SLC25A48: variants seen among roughly 807,000 people sequenced by gnomAD.
The protein encoded by SLC25A48 is solute carrier family 25 member 48, also known as CTC-321K16.1.
Under a neutral mutation model 32.2 loss-of-function variants are expected in SLC25A48, and 29 were observed. The observed-to-expected ratio is 0.90, with a 90% confidence interval of 0.67 to 1.23. SLC25A48 has a LOEUF of 1.23. SLC25A48 is among the 50% of genes most tolerant of loss of function. The probability of loss-of-function intolerance (pLI) is 0.00; values close to 1 mark genes in which losing one functional copy is unlikely to be tolerated. For missense variants in SLC25A48, 399 were observed against 422.7 expected (o/e 0.94, Z 0.49); for synonymous variants, 164 against 172.3 (o/e 0.95, Z 0.38).
At chr5:135,733,707 C>T (rs911128989) in intron 3 of SLC25A48, among the ~76,000 whole-genome samples, 2 of 152,120 alleles carry the variant, frequency 1.3e-5, no homozygotes, top group African/African-American at 2.4e-5. Flanking sequence ...AGAACTCTGA[C>T]CACACAGCCC....
At chr5:135,758,017 G>A (rs191828793) in intron 3 of SLC25A48, among the ~76,000 whole-genome samples, 11 of 149,264 alleles carry the variant, frequency 7.4e-5, no homozygotes, top group Admixed American at 1.3e-4. Flanking sequence ...ATACTGTCTA[G>A]TGTAACACAA....
chr5:135,628,799 C>T (rs1752496480), intron 1 of SLC25A48, among the ~76,000 whole-genome samples: 1 of 152,168 alleles, frequency 6.6e-6, no homozygotes, highest in African/African-American at 2.4e-5. Flanking sequence ...TCCTCCCTCC[C>T]TCCTATTTTG....
intron 1 of SLC25A48, among the ~76,000 whole-genome samples, chr5:135,603,365 G>C (rs1751846574): frequency 6.6e-6 from 1 of 152,274 alleles, no homozygotes; most frequent in Non-Finnish European, 1.5e-5. Flanking sequence ...GAGGTTGAAG[G>C]TAAATGACTT....
At chr5:135,709,708 C>T (rs1754608932) in intron 3 of SLC25A48, among the ~76,000 whole-genome samples, 1 of 152,144 alleles carries the variant, frequency 6.6e-6, no homozygotes, top group African/African-American at 2.4e-5. Flanking sequence ...TTTCTGAACT[C>T]TAGTTTTCTC....
At chr5:135,821,641 G>A (rs951045443) in intron 4 of SLC25A48, 1 of 152,252 alleles carries the variant, frequency 6.6e-6, no homozygotes, top group Non-Finnish European at 1.5e-5. Flanking sequence ...CTGGGGAGAT[G>A]TGGATTAAGC....
chr5:135,706,421 C>A (rs1452506850), intron 3 of SLC25A48, among the ~76,000 whole-genome samples: 1 of 152,156 alleles, frequency 6.6e-6, no homozygotes, highest in Non-Finnish European at 1.5e-5. Context: ...AGCCTCAGGT[C>A]CCCCATCTTT....
rs113880946 is a variant in SLC25A48 at position 135,888,045 on chromosome 5, G to A, written c.*21G>A. ...TGCTGTTTCCAGGAGGTGAACACAGGATGACTACAGTGTTCCCTGGGCCTC... is the reference window on the plus strand; with the variant it reads ...TGCTGTTTCCAGGAGGTGAACACAGAATGACTACAGTGTTCCCTGGGCCTC... On this transcript the variant is annotated 3_prime_UTR_variant, in exon 8 of 8. Transcript: ENST00000681962. The A allele has an allele frequency of 8.4e-5, 130 of 1,551,638 alleles. 2 individuals are homozygous for A. The highest frequency in any genetic ancestry group is 8.3e-4 in the African/African-American group (61 of 73,170).
intron 1 of SLC25A48, among the ~76,000 whole-genome samples, chr5:135,841,988 G>T (rs971832317): frequency 2.0e-5 from 3 of 152,110 alleles, no homozygotes; most frequent in East Asian, 1.9e-4. Flanking sequence ...TCACTCCTTC[G>T]GTTGGTTGTA....
intron 3 of SLC25A48, among the ~76,000 whole-genome samples, chr5:135,688,816 C>G (rs1754078149): frequency 6.6e-6 from 1 of 152,192 alleles, no homozygotes; most frequent in Non-Finnish European, 1.5e-5. Flanking sequence ...TGCCCCCACT[C>G]CAGCCTGGCT....
rs184159861 is a variant in SLC25A48 at position 135,869,173 on chromosome 5, T to C, written c.422-2288T>C. Among the ~76,000 whole-genome samples the C allele has an allele frequency of 2.9e-4, 44 of 152,244 alleles. No individual in the cohort carries two copies. The East Asian group carries it at 8.1e-3, about 28-fold the overall frequency. ...TTGCAAATTTAGAATTATTTCCAAA[T>C]AAAAAGTTTTTTCAAAAAAAAATAT... is the stretch of plus-strand genomic sequence containing the variant. On this transcript the variant is annotated intron_variant, in intron 4 of 7. Transcript: ENST00000681962.
intron 1 of SLC25A48, among the ~76,000 whole-genome samples, chr5:135,611,289 C>T (rs1752057265): frequency 6.6e-6 from 1 of 151,652 alleles, no homozygotes; most frequent in South Asian, 2.1e-4. Flanking sequence ...GTGGGCAGAC[C>T]ACTTGAGGCC....
intron 4 of SLC25A48, among the ~76,000 whole-genome samples, chr5:135,866,587 C>A (rs1761222071): frequency 6.6e-6 from 1 of 152,146 alleles, no homozygotes; most frequent in Non-Finnish European, 1.5e-5. Context: ...CAAACCTGGA[C>A]CTACAACCAC....
intron 4 of SLC25A48, among the ~76,000 whole-genome samples, chr5:135,866,441 G>T (rs1017190371): frequency 2.0e-5 from 3 of 152,218 alleles, no homozygotes; most frequent in African/African-American, 4.8e-5. Context: ...GACTTTCTGT[G>T]GCTGGGTCCC....
At chr5:135,609,404 A>G (rs1752014511) in intron 1 of SLC25A48, 1 of 152,244 alleles carries the variant, frequency 6.6e-6, no homozygotes, top group Non-Finnish European at 1.5e-5. Flanking sequence ...GAACGACTAA[A>G]TAAACCGGCA....
At chr5:135,871,987 A>G in intron 5 of SLC25A48, 20 of 1,336,138 alleles carry the variant, frequency 1.5e-5, no homozygotes, top group Non-Finnish European at 1.9e-5. Flanking sequence ...AGGCATTACT[A>G]AGCTTTGGAA....
intron 3 of SLC25A48, among the ~76,000 whole-genome samples, chr5:135,668,372 G>A (rs529763140): frequency 2.0e-5 from 3 of 152,294 alleles, no homozygotes; most frequent in African/African-American, 7.2e-5. Flanking sequence ...AGTTGAAATA[G>A]TAGTGACAAC....
intron 3 of SLC25A48, chr5:135,650,236 G>T: frequency 3.0e-6 from 1 of 337,882 alleles, no homozygotes; most frequent in South Asian, 2.2e-5. Context: ...GCCTGTGTCA[G>T]CTTGATTCTC....
At chr5:135,796,817 T>A (rs192389670) in intron 3 of SLC25A48, among the ~76,000 whole-genome samples, 32 of 151,698 alleles carry the variant, frequency 2.1e-4, no homozygotes, top group Middle Eastern at 3.4e-3. Flanking sequence ...CTCCTAATAT[T>A]GCACGGGTGT....
chr5:135,815,183 T>A (rs181293439), intron 4 of SLC25A48, among the ~76,000 whole-genome samples: 1 of 152,306 alleles, frequency 6.6e-6, no homozygotes, highest in East Asian at 1.9e-4. Flanking sequence ...GGAACCAGTT[T>A]GGTGGAAGAC....
Sources: allele counts gnomAD v4.1 joint callset (sites outside exome capture counted in the v4.1 genomes callset), GRCh38; gene constraint gnomAD v4.1.1; transcripts MANE v1.5; gene names NCBI Gene and HGNC (gene_info 2026-07-23, HGNC 2026-07-21).